Variants in NDUFA10 observed in about 807,000 individuals in gnomAD.
NDUFA10 encodes NADH:ubiquinone oxidoreductase subunit A10.
A neutral mutation model predicts 47.8 loss-of-function variants in NDUFA10; 40 were observed. The observed-to-expected ratio is 0.84, with a 90% CI of 0.65 to 1.09. The LOEUF (loss-of-function observed/expected upper bound fraction) is 1.09. Ranked by LOEUF, NDUFA10 falls within the 50% of genes least tolerant of loss-of-function variation. NDUFA10 has a pLI of 0.00. For missense variants in NDUFA10, 413 were observed against 451.1 expected (o/e 0.92, Z 0.76); for synonymous variants, 183 against 172.2 (o/e 1.06, Z -0.49).
chr2:240,011,547 G>T, intron 6 of NDUFA10, 70 bp downstream of exon 6: 2 of 1,197,734 alleles, frequency 1.7e-6, no homozygotes, highest in Non-Finnish European at 1.2e-6. Flanking sequence ...AACTCCCTGG[G>T]CTGTTGGGGC....
intron 3 of NDUFA10, among the ~76,000 whole-genome samples, chr2:240,020,377 G>T (rs1205144333): frequency 1.3e-5 from 2 of 152,238 alleles, no homozygotes; most frequent in African/African-American, 4.8e-5. Context: ...TGTGCCATTT[G>T]CTGCTACCTG....
intron 9 of NDUFA10, among the ~76,000 whole-genome samples, chr2:239,978,030 T>C (rs1476999055): frequency 6.6e-6 from 1 of 152,134 alleles, no homozygotes; most frequent in Non-Finnish European, 1.5e-5. Flanking sequence ...CCACGCCTGC[T>C]TGGTGAACTG....
chr2:239,998,291 C>T (rs1559372695), intron 8 of NDUFA10, among the ~76,000 whole-genome samples: 1 of 152,208 alleles, frequency 6.6e-6, no homozygotes, highest in Non-Finnish European at 1.5e-5. Flanking sequence ...TACTCACATG[C>T]GATTTTGTCT....
chr2:239,964,932 G>A (rs768978398), intron 9 of NDUFA10, among the ~76,000 whole-genome samples: 2 of 152,120 alleles, frequency 1.3e-5, no homozygotes, highest in Non-Finnish European at 2.9e-5. Flanking sequence ...CCCACACGAC[G>A]GCCAGCAGGC....
chr2:239,947,806 C>T (rs1694480399), intron 4 of NDUFA10, among the ~76,000 whole-genome samples: 1 of 152,230 alleles, frequency 6.6e-6, no homozygotes, highest in Non-Finnish European at 1.5e-5. Flanking sequence ...CCTCAACACG[C>T]CCACGGCAGC....
intron 5 of NDUFA10, 82 bp from the exon 6 acceptor site, chr2:240,011,778 A>G: frequency 8.2e-7 from 1 of 1,220,154 alleles, no homozygotes; most frequent in Non-Finnish European, 1.2e-6. Context: ...ATGCGAAGAC[A>G]ATCACTGACC....
At chr2:239,899,473 G>GT (rs1292667857) in intron 4 of NDUFA10, among the ~76,000 whole-genome samples, 1 of 123,958 alleles carries the variant, frequency 8.1e-6, no homozygotes, top group Non-Finnish European at 2.0e-5. Flanking sequence ...TGACGGAGGG[G>GT]TGTGATGGAG....
chr2:239,950,366 A>G (rs1055963903), intron 4 of NDUFA10, among the ~76,000 whole-genome samples: 3 of 152,204 alleles, frequency 2.0e-5, no homozygotes, highest in Non-Finnish European at 4.4e-5. Flanking sequence ...CAGGAGGCTC[A>G]GGGCTCCCGA....
At chr2:239,939,443 T>TG (rs1694322927) in intron 4 of NDUFA10, among the ~76,000 whole-genome samples, 1 of 152,228 alleles carries the variant, frequency 6.6e-6, no homozygotes, top group Non-Finnish European at 1.5e-5. Context: ...AACAGCTCCC[T>TG]GGGGGGCCAC....
At position 239,982,101 on chromosome 2, in the gene NDUFA10, C is replaced by T. The variant is rs563934922; in HGVS notation, c.999+7973G>A. The stretch of plus-strand genomic sequence containing the variant: ...TTGCTCCCCTGCAGCAAACCAGTGA[C>T]CTGACACGTGTACCTGAAGACCGAT... On this transcript the variant is annotated intron_variant, in intron 9 of 9. Coordinates refer to ENST00000252711, the MANE Select transcript of NDUFA10 (RefSeq NM_004544.4). The T allele has an allele frequency of 3.1e-4, 499 of 1,612,600 alleles. 3 individuals carry two copies. The South Asian group carries it at 5.1e-3, about 17-fold the overall frequency.
At chr2:239,931,993 G>A (rs1213864503) in intron 4 of NDUFA10, among the ~76,000 whole-genome samples, 4 of 151,878 alleles carry the variant, frequency 2.6e-5, no homozygotes, top group East Asian at 1.9e-4. Flanking sequence ...CCATCACCAC[G>A]CCCAGCTATT....
chr2:239,903,410 C>T (rs764075771), intron 4 of NDUFA10, among the ~76,000 whole-genome samples: 3 of 152,206 alleles, frequency 2.0e-5, no homozygotes, highest in African/African-American at 2.4e-5. Flanking sequence ...CCTGCAGTCG[C>T]GTTGGACAGA....
At chr2:239,940,658 C>T (rs1039822939) in intron 4 of NDUFA10, among the ~76,000 whole-genome samples, 2 of 152,186 alleles carry the variant, frequency 1.3e-5, no homozygotes, top group Admixed American at 1.3e-4. Context: ...AGTCTATTCA[C>T]TTATCAAGGA....
At chr2:239,979,318 G>A (rs1695671182) in intron 9 of NDUFA10, among the ~76,000 whole-genome samples, 1 of 140,946 alleles carries the variant, frequency 7.1e-6, no homozygotes, top group Admixed American at 7.1e-5. Flanking sequence ...TTAGACCCCA[G>A]TGCTGGCTGA....
chr2:239,932,583 A>ATTT (rs1334670530), intron 4 of NDUFA10, among the ~76,000 whole-genome samples: 1 of 147,878 alleles, frequency 6.8e-6, no homozygotes. Context: ...TGGTCAAAGA[A>ATTT]TTTTTTTTTT....
chr2:239,924,568 A>G (rs1170327750), intron 4 of NDUFA10, among the ~76,000 whole-genome samples: 1 of 152,162 alleles, frequency 6.6e-6, no homozygotes, highest in African/African-American at 2.4e-5. Context: ...AACTCGATAA[A>G]GAACATTTAC....
At chr2:239,953,499 G>A (rs1028415983), downstream of NDUFA10, among the ~76,000 whole-genome samples, 4 of 152,216 alleles carry the variant, frequency 2.6e-5, no homozygotes, top group African/African-American at 2.4e-5. Context: ...GGTGCCTGCC[G>A]GGTGACCTGA....
chr2:239,912,938 C>A (rs1284157691), intron 4 of NDUFA10, among the ~76,000 whole-genome samples: 1 of 152,244 alleles, frequency 6.6e-6, no homozygotes, highest in Non-Finnish European at 1.5e-5. Context: ...GCCAGCCAAG[C>A]TGTTCCCAGC....
intron 8 of NDUFA10, 144 bp downstream of exon 8, chr2:240,005,066 T>C: frequency 1.4e-6 from 1 of 738,938 alleles, no homozygotes; most frequent in Non-Finnish European, 2.4e-6. Context: ...ATTCAGGAGC[T>C]GTTTGGAAGA....
Sources: gnomAD v4.1 joint callset for allele counts (sites outside exome capture counted in the v4.1 genomes callset) on GRCh38, gnomAD v4.1.1 for gene constraint, MANE v1.5 for transcripts, NCBI Gene and HGNC (gene_info 2026-07-23, HGNC 2026-07-21) for gene names.